The following IQCM variants were observed in gnomAD, a reference collection of about 807,000 sequenced individuals.
IQCM encodes the protein IQ motif containing M, also known as IQ domain-containing protein M.
IQCM carries 45 observed loss-of-function variants against 57.6 expected under a neutral mutation model. The ratio of observed to expected loss-of-function variants is 0.78; its 90% CI spans 0.62 to 1.00. The LOEUF is 1.00. IQCM is among the 50% of genes least tolerant of loss of function. The pLI, the probability that IQCM is intolerant of heterozygous loss-of-function variation, is 0.00. For synonymous variants in IQCM, 148 were observed against 158.9 expected (o/e 0.93, Z 0.51); for missense variants, 468 against 511.6 (o/e 0.91, Z 0.82).
chr4:149,551,518 T>C (rs913676101), intron 11 of IQCM, among the ~76,000 whole-genome samples: 3 of 152,084 alleles, frequency 2.0e-5, no homozygotes, highest in Non-Finnish European at 4.4e-5. Context: ...TAGTTTGGGG[T>C]ATGAAGAGAA....
intron 12 of IQCM, among the ~76,000 whole-genome samples, chr4:149,516,524 A>T (rs757412172): frequency 1.3e-5 from 2 of 152,192 alleles, no homozygotes; most frequent in African/African-American, 2.4e-5. Context: ...TGAAGTCACA[A>T]TTACAATGCC....
intron 12 of IQCM, among the ~76,000 whole-genome samples, chr4:149,437,045 G>A (rs1417871472): frequency 6.6e-6 from 1 of 152,068 alleles, no homozygotes; most frequent in African/African-American, 2.4e-5. Flanking sequence ...GGAGGTTACA[G>A]GGCATTTTCA....
At chr4:149,491,947 T>C (rs1181336707) in intron 12 of IQCM, among the ~76,000 whole-genome samples, 1 of 152,104 alleles carries the variant, frequency 6.6e-6, no homozygotes, top group Non-Finnish European at 1.5e-5. Context: ...ATAGATGCCA[T>C]CTTAATAGGT....
At chr4:149,759,212 C>A (rs921076953) in intron 2 of IQCM, among the ~76,000 whole-genome samples, 2 of 152,106 alleles carry the variant, frequency 1.3e-5, no homozygotes, top group East Asian at 3.9e-4. Context: ...CTGGAAAAAG[C>A]ATAACTATTC....
Position 149,642,495 on chromosome 4 carries a change from C to T in IQCM, c.566-21251G>A, listed in dbSNP as rs993928243. 2.6e-5 allele frequency among the ~76,000 whole-genome samples: 4 copies of T among 152,136 alleles called. No homozygotes were observed. In the East Asian group the frequency reaches 7.7e-4, roughly 29 times the overall value. Reference sequence around the variant, plus strand: ...CCTCTTGCAAAGTAACCAGGAATGACAAAAAGTATTTTCCTCCTTCAGCAA... The same window carrying T: ...CCTCTTGCAAAGTAACCAGGAATGATAAAAAGTATTTTCCTCCTTCAGCAA... On this transcript the variant is annotated intron_variant, in intron 7 of 13. Coordinates refer to ENST00000636793, the MANE Select transcript of IQCM (RefSeq NM_001363507.2).
chr4:149,488,817 T>C (rs190673423), intron 12 of IQCM, among the ~76,000 whole-genome samples: 26 of 152,230 alleles, frequency 1.7e-4, no homozygotes, highest in Admixed American at 1.0e-3. Flanking sequence ...GAAAAGGTAA[T>C]ATTAGACACT....
chr4:149,798,790 T>A (rs1051078915), intron 2 of IQCM, among the ~76,000 whole-genome samples: 4 of 151,778 alleles, frequency 2.6e-5, no homozygotes, highest in African/African-American at 9.7e-5. Context: ...AGCAAGAGGG[T>A]GCATATATAT....
intron 12 of IQCM, among the ~76,000 whole-genome samples, chr4:149,527,699 C>G (rs1006242948): frequency 2.0e-5 from 3 of 152,134 alleles, no homozygotes; most frequent in Non-Finnish European, 4.4e-5. Context: ...GAGAAACTTG[C>G]CCAAGATTAT....
intron 12 of IQCM, among the ~76,000 whole-genome samples, chr4:149,438,796 A>G (rs1560838261): frequency 6.6e-6 from 1 of 152,074 alleles, no homozygotes; most frequent in Non-Finnish European, 1.5e-5. Flanking sequence ...AAATATTAAG[A>G]TTCAAAACCA....
chr4:149,619,433 A>T (rs1427768429), intron 8 of IQCM, among the ~76,000 whole-genome samples: 1 of 152,100 alleles, frequency 6.6e-6, no homozygotes, highest in East Asian at 1.9e-4. Flanking sequence ...GCACAATGTA[A>T]CTATCCATGT....
At chr4:149,709,988 G>A (rs1015222388) in intron 5 of IQCM, among the ~76,000 whole-genome samples, 12 of 152,060 alleles carry the variant, frequency 7.9e-5, no homozygotes, top group Non-Finnish European at 1.0e-4. Flanking sequence ...TTATAACAGT[G>A]AAAATCAACT....
In IQCM at chr4:149,691,290, C is replaced by T. The variant is rs1762922465; in HGVS notation, c.386-4822G>A. Among the ~76,000 whole-genome samples the T allele has an allele frequency of 2.0e-5, 3 of 152,074 alleles. No homozygotes were observed. In the South Asian group the frequency reaches 6.2e-4, roughly 31 times the overall value. The stretch of plus-strand genomic sequence containing the variant: ...GCAATAGGTAGAGATGATATTCAAA[C>T]CCAGGCAGATAGCCCCTGGAACCTG... On this transcript the variant is annotated intron_variant, in intron 5 of 13. Coordinates refer to ENST00000636793, the MANE Select transcript of IQCM (RefSeq NM_001363507.2).
At chr4:149,668,186 G>C (rs1240312410) in intron 7 of IQCM, among the ~76,000 whole-genome samples, 1 of 152,126 alleles carries the variant, frequency 6.6e-6, no homozygotes, top group African/African-American at 2.4e-5. Flanking sequence ...AGAAAGGTCG[G>C]GTTACCTACA....
chr4:149,377,777 A>G (rs1488121988), intron 13 of IQCM, among the ~76,000 whole-genome samples: 1 of 152,132 alleles, frequency 6.6e-6, no homozygotes, highest in Non-Finnish European at 1.5e-5. Context: ...GTAGCTTGAA[A>G]TCAGCCATAT....
intron 12 of IQCM, among the ~76,000 whole-genome samples, chr4:149,465,981 A>G (rs1738820644): frequency 6.6e-6 from 1 of 152,160 alleles, no homozygotes. Context: ...GCATATTGAA[A>G]CAGTTGAAAT....
chr4:149,794,628 T>G (rs1478031378), intron 2 of IQCM, among the ~76,000 whole-genome samples: 1 of 152,118 alleles, frequency 6.6e-6, no homozygotes, highest in Non-Finnish European at 1.5e-5. Flanking sequence ...CAAGAAATGG[T>G]GCATTCATAT....
At chr4:149,720,318 T>G (rs1176936145) in intron 5 of IQCM, among the ~76,000 whole-genome samples, 2 of 152,236 alleles carry the variant, frequency 1.3e-5, no homozygotes, top group African/African-American at 4.8e-5. Context: ...TGTTTTAATA[T>G]CTTTTCTATT....
chr4:149,743,090 T>C (rs749820771), intron 2 of IQCM, among the ~76,000 whole-genome samples: 13 of 152,114 alleles, frequency 8.5e-5, no homozygotes, highest in Admixed American at 2.6e-4. Context: ...ACTCAAAAGA[T>C]GTTTGGGCTC....
In IQCM at chr4:149,448,101, T is replaced by A. The variant is rs988340480; in HGVS notation, c.1229-14544A>T. On this transcript the variant is annotated intron_variant, in intron 12 of 13. Transcript: ENST00000636793. Reference sequence around the variant, plus strand: ...ATTCTCGTCAATTGTACACAGAACATGTTCCATGATTGATTAAATTTTGCA... The same window carrying A: ...ATTCTCGTCAATTGTACACAGAACAAGTTCCATGATTGATTAAATTTTGCA... Among the ~76,000 whole-genome samples the A allele has an allele frequency of 2.0e-5, 3 of 151,834 alleles. No homozygotes were observed. The South Asian group carries it at 6.2e-4, about 31-fold the overall frequency.
Sources: allele counts gnomAD v4.1 joint callset (sites outside exome capture counted in the v4.1 genomes callset), GRCh38; gene constraint gnomAD v4.1.1; transcripts MANE v1.5; gene names NCBI Gene and HGNC (gene_info 2026-07-23, HGNC 2026-07-21).